The following KCNQ3 variants were observed in gnomAD, a reference collection of about 807,000 sequenced individuals.
KCNQ3 encodes the protein potassium voltage-gated channel subfamily KQT member 3.
KCNQ3 carries 30 observed loss-of-function variants against 92.5 expected under a neutral mutation model. The ratio of observed to expected loss-of-function variants is 0.32; its 90% CI spans 0.24 to 0.44. The LOEUF is 0.44. Ranked by LOEUF, KCNQ3 falls within the 20% of genes least tolerant of loss-of-function variation. The probability of loss-of-function intolerance (pLI) is 1.00; values close to 1 mark genes in which losing one functional copy is unlikely to be tolerated. For synonymous variants in KCNQ3, 450 were observed against 468.8 expected (o/e 0.96, Z 0.52); for missense variants, 913 against 1,140.3 (o/e 0.80, Z 2.87).
chr8:132,238,466 C>A (rs1814886055), intron 1 of KCNQ3, among the ~76,000 whole-genome samples: 1 of 152,120 alleles, frequency 6.6e-6, no homozygotes, highest in African/African-American at 2.4e-5. Flanking sequence ...GACCTAACTG[C>A]CCAGAAGCCT....
At chr8:132,462,031 G>A (rs1011151480) in intron 1 of KCNQ3, among the ~76,000 whole-genome samples, 7 of 152,104 alleles carry the variant, frequency 4.6e-5, no homozygotes, top group Admixed American at 1.3e-4. Context: ...CTCTTTTGCA[G>A]ATGAGAAAAA....
chr8:132,333,577 C>A (rs554004440), intron 1 of KCNQ3, among the ~76,000 whole-genome samples: 1 of 152,108 alleles, frequency 6.6e-6, no homozygotes, highest in African/African-American at 2.4e-5. Flanking sequence ...CAAAACCAAC[C>A]ATTTTTAGTA....
At chr8:132,343,047 C>T (rs1418032984) in intron 1 of KCNQ3, among the ~76,000 whole-genome samples, 1 of 152,242 alleles carries the variant, frequency 6.6e-6, no homozygotes, top group Non-Finnish European at 1.5e-5. Flanking sequence ...TGTCCAAGTA[C>T]ACTGAATCCA....
chr8:132,153,376 G>T (rs147740854), intron 9 of KCNQ3, among the ~76,000 whole-genome samples: 31 of 152,244 alleles, frequency 2.0e-4, no homozygotes, highest in African/African-American at 7.5e-4. Flanking sequence ...TCCCTTGTTA[G>T]AGAAGGACTC....
chr8:132,444,021 C>T (rs1381664322), intron 1 of KCNQ3, among the ~76,000 whole-genome samples: 1 of 152,080 alleles, frequency 6.6e-6, no homozygotes, highest in Non-Finnish European at 1.5e-5. Context: ...CCAAGAGGTA[C>T]CGAGAGGTTC....
rs745621104 is a variant in KCNQ3, at chr8:132,125,750, A to C, written c.*3512T>G. On this transcript the variant is annotated 3_prime_UTR_variant, in exon 15 of 15. Coordinates refer to ENST00000388996, the MANE Select transcript of KCNQ3 (RefSeq NM_004519.4). ...TTAATTAGTTCATTTTAACCTATACACCTTGGGGTTATCTAGTTATGTTTT... is the reference window on the plus strand; with the variant it reads ...TTAATTAGTTCATTTTAACCTATACCCCTTGGGGTTATCTAGTTATGTTTT... The C allele has an allele frequency of 6.6e-6, 1 of 152,144 alleles. No homozygotes were observed. Among genetic ancestry groups the C allele is most frequent in the Middle Eastern group, 3.2e-3 (1 of 316 alleles). 9.4% of individuals were successfully genotyped at this position (152,144 alleles called of 1,614,324 possible). A position where few individuals can be genotyped will look rare whatever the true frequency, so the allele number is the denominator to read the frequency against.
intron 5 of KCNQ3, 84 bp from the exon 6 acceptor site, chr8:132,174,433 C>T (rs1019391354): frequency 3.9e-6 from 4 of 1,038,632 alleles, no homozygotes; most frequent in Non-Finnish European, 5.9e-6. Flanking sequence ...CTGTAAGCCT[C>T]TCCATCAGCT....
In KCNQ3 at chr8:132,357,302, G is replaced by A. The variant is rs79231829; in HGVS notation, c.386+122845C>T. Among the ~76,000 whole-genome samples, 109 of 152,358 alleles carry A rather than the reference G, an allele frequency of 7.2e-4. 3 individuals carry two copies. The East Asian group carries it at 0.02, about 27-fold the overall frequency. On this transcript the variant is annotated intron_variant, in intron 1 of 14. Coordinates refer to ENST00000388996, the MANE Select transcript of KCNQ3 (RefSeq NM_004519.4). The stretch of plus-strand genomic sequence containing the variant: ...CAGCGAAGCAAGAGTGAAGAAGTGA[G>A]CCGGTAGAGGAAGACAGGCAGAGAA...
intron 1 of KCNQ3, among the ~76,000 whole-genome samples, chr8:132,220,291 A>G (rs983488368): frequency 2.6e-5 from 4 of 152,106 alleles, no homozygotes; most frequent in African/African-American, 9.7e-5. Flanking sequence ...AATAAGAAAA[A>G]CTGACCACAG....
At chr8:132,380,949 AAAC>A (rs1406949131) in intron 1 of KCNQ3, among the ~76,000 whole-genome samples, 3 of 150,904 alleles carry the variant, frequency 2.0e-5, no homozygotes, top group Admixed American at 6.6e-5. Context: ...AAAAAAAAAA[AAAC>A]AACCTTGGAA....
intron 12 of KCNQ3, among the ~76,000 whole-genome samples, chr8:132,135,918 G>A (rs893260137): frequency 3.3e-5 from 5 of 151,804 alleles, no homozygotes; most frequent in Middle Eastern, 3.2e-3. Context: ...TCAGAAGTTC[G>A]AGATCAGCCT....
Position 132,303,583 on chromosome 8 carries a change from G to A in KCNQ3, c.387-117402C>T, listed in dbSNP as rs1444529668. On this transcript the variant is annotated intron_variant, in intron 1 of 14. Coordinates refer to ENST00000388996, the MANE Select transcript of KCNQ3 (RefSeq NM_004519.4). ...AAAATGTGATATATATATATATGGT[G>A]TGTGTGTATATATATATGGTGTGTA... is the stretch of plus-strand genomic sequence containing the variant. Among the ~76,000 whole-genome samples, 106 of 21,236 alleles carry A rather than the reference G, an allele frequency of 5.0e-3. 4 individuals are homozygous for A. Among genetic ancestry groups the A allele is most frequent in the East Asian group, 0.02 (5 of 256 alleles). The allele number at this position is 21,236 out of a possible 152,430, so 13.9% of individuals were successfully genotyped here. A position where few individuals can be genotyped will look rare whatever the true frequency, so the allele number is the denominator to read the frequency against.
At chr8:132,284,116 T>C (rs1020032991) in intron 1 of KCNQ3, among the ~76,000 whole-genome samples, 1 of 152,230 alleles carries the variant, frequency 6.6e-6, no homozygotes, top group Non-Finnish European at 1.5e-5. Context: ...TCCACTCTGC[T>C]GTTAATAATA....
At chr8:132,346,320 C>T (rs561825580) in intron 1 of KCNQ3, among the ~76,000 whole-genome samples, 2 of 152,338 alleles carry the variant, frequency 1.3e-5, no homozygotes, top group Non-Finnish European at 2.9e-5. Context: ...CACTGGTTTT[C>T]TCTGGCTACA....
intron 1 of KCNQ3, among the ~76,000 whole-genome samples, chr8:132,426,021 G>A (rs764354799): frequency 2.0e-5 from 3 of 152,342 alleles, no homozygotes; most frequent in Admixed American, 1.3e-4. Flanking sequence ...AAATACAAAT[G>A]CAGACACACA....
intron 1 of KCNQ3, among the ~76,000 whole-genome samples, chr8:132,241,171 G>A (rs1483940206): frequency 2.0e-5 from 3 of 152,124 alleles, no homozygotes; most frequent in Non-Finnish European, 4.4e-5. Flanking sequence ...TTACAGGTGT[G>A]AGCCACCGTG....
chr8:132,442,840 C>A (rs1430608910), intron 1 of KCNQ3, among the ~76,000 whole-genome samples: 1 of 152,148 alleles, frequency 6.6e-6, no homozygotes, highest in East Asian at 1.9e-4. Flanking sequence ...TAACAGGATA[C>A]ATGGTTTTTT....
rs56692449 is a variant in KCNQ3, at chr8:132,441,582, A to AAAACAAAC, written c.386+38557_386+38564dup. ...AAAAACAAAAATCAAAAAACAAAAC[A>AAAACAAAC]AAACAAACAAACAAACAAACAAATA... On this transcript the variant is annotated intron_variant, in intron 1 of 14. Coordinates refer to ENST00000388996, the MANE Select transcript of KCNQ3 (RefSeq NM_004519.4). Among the ~76,000 whole-genome samples, 12 of 150,844 alleles carry AAAACAAAC rather than the reference A, an allele frequency of 8.0e-5. No homozygotes were observed. The South Asian group carries it at 1.5e-3, about 18-fold the overall frequency.
chr8:132,463,819 C>A (rs1042986113), intron 1 of KCNQ3, among the ~76,000 whole-genome samples: 1 of 152,164 alleles, frequency 6.6e-6, no homozygotes, highest in African/African-American at 2.4e-5. Flanking sequence ...ATCATTTTTT[C>A]TTTTATTCTT....
Sources: gnomAD v4.1 joint callset for allele counts (sites outside exome capture counted in the v4.1 genomes callset) on GRCh38, gnomAD v4.1.1 for gene constraint, MANE v1.5 for transcripts, NCBI Gene and HGNC (gene_info 2026-07-23, HGNC 2026-07-21) for gene names.